Variants in RBFOX1 observed in about 807,000 individuals in gnomAD.
The protein encoded by RBFOX1 is RNA binding fox-1 homolog 1, also known as RNA binding protein fox-1 homolog 1.
In RBFOX1, 8 loss-of-function variants were observed where a neutral mutation model predicts 57.7. That is an observed-to-expected ratio of 0.14 (90% CI 0.08 to 0.25). The LOEUF is 0.25. Ranked by LOEUF, RBFOX1 falls within the 10% of genes least tolerant of loss-of-function variation. The probability of loss-of-function intolerance (pLI) is 1.00; values close to 1 mark genes in which losing one functional copy is unlikely to be tolerated. For missense variants in RBFOX1, 611 were observed against 548.5 expected, an observed-to-expected ratio of 1.11 and a Z score of -1.14; for synonymous variants, 326 against 222.4, an observed-to-expected ratio of 1.47 and a Z score of -4.15.
At chr16:5,640,557 A>G (rs956098945) in intron 3 of RBFOX1, among the ~76,000 whole-genome samples, 3 of 151,812 alleles carry the variant, frequency 2.0e-5, no homozygotes, top group Non-Finnish European at 4.4e-5. Flanking sequence ...CATGCATGCC[A>G]TGCATACATA....
chr16:5,997,048 C>G lies in RBFOX1; in HGVS notation c.351+129713C>G, dbSNP rs375867595. ...TGGTGCTCTCCATTGTCCAAACTCA[C>G]CAGGAAGCACCTCCGTCTCTGCTGG... is the stretch of plus-strand genomic sequence containing the variant. On this transcript the variant is annotated intron_variant, in intron 4 of 19. Coordinates refer to the RBFOX1 transcript ENST00000641259. 4.7e-3 allele frequency among the ~76,000 whole-genome samples: 625 copies of G among 133,092 alleles called. 11 individuals are homozygous for G. Among genetic ancestry groups the G allele is most frequent in the African/African-American group, 0.013 (451 of 33,590 alleles). The allele number at this position is 133,092 out of a possible 152,430, so 87.3% of individuals were successfully genotyped here.
chr16:7,008,432 C>G (rs1354755181), intron 3 of RBFOX1, among the ~76,000 whole-genome samples: 2 of 151,776 alleles, frequency 1.3e-5, no homozygotes, highest in Non-Finnish European at 2.9e-5. Flanking sequence ...TCCAGACACT[C>G]AGAAGTCAGA....
At chr16:5,443,140 G>C (rs2068136119) in intron 1 of RBFOX1, among the ~76,000 whole-genome samples, 2 of 152,140 alleles carry the variant, frequency 1.3e-5, no homozygotes, top group Non-Finnish European at 2.9e-5. Flanking sequence ...CTGAGAGAAA[G>C]AATAAATTTC....
chr16:7,500,712 A>G (rs774764059), intron 4 of RBFOX1, among the ~76,000 whole-genome samples: 6 of 152,188 alleles, frequency 3.9e-5, no homozygotes, highest in Non-Finnish European at 7.3e-5. Flanking sequence ...TTCTTTCAAT[A>G]TTGTATGTAA....
intron 3 of RBFOX1, among the ~76,000 whole-genome samples, chr16:5,642,614 C>T (rs1464779783): frequency 1.3e-5 from 2 of 152,078 alleles, no homozygotes; most frequent in African/African-American, 2.4e-5. Flanking sequence ...CTAGCCGCCC[C>T]CCCTTCCCCA....
chr16:7,216,135 A>G (rs1367449272), intron 4 of RBFOX1, among the ~76,000 whole-genome samples: 5 of 152,196 alleles, frequency 3.3e-5, no homozygotes, highest in Admixed American at 6.5e-5. Context: ...TTGCCAGACA[A>G]CATACTGTTG....
chr16:5,284,695 C>T (rs2063349171), intron 1 of RBFOX1, among the ~76,000 whole-genome samples: 1 of 147,360 alleles, frequency 6.8e-6, no homozygotes, highest in African/African-American at 2.5e-5. Context: ...ATGTGAGCCA[C>T]TGTGCCAGGC....
At chr16:6,373,695 A>G (rs79320876) in intron 2 of RBFOX1, among the ~76,000 whole-genome samples, 1 of 152,230 alleles carries the variant, frequency 6.6e-6, no homozygotes, top group East Asian at 1.9e-4. Flanking sequence ...TTTTCATGCA[A>G]GAGCATTTGG....
intron 3 of RBFOX1, among the ~76,000 whole-genome samples, chr16:7,035,821 G>A (rs1446720760): frequency 6.6e-6 from 1 of 152,046 alleles, no homozygotes; most frequent in African/African-American, 2.4e-5. Flanking sequence ...AGTTCATTTT[G>A]TGTGAAGCAT....
At chr16:5,373,268 G>A (rs938618614) in intron 1 of RBFOX1, among the ~76,000 whole-genome samples, 1 of 152,138 alleles carries the variant, frequency 6.6e-6, no homozygotes, top group Non-Finnish European at 1.5e-5. Context: ...AGAGAGATAG[G>A]GCCAGTGGGT....
At chr16:6,278,276 G>C (rs2076032700) in intron 1 of RBFOX1, among the ~76,000 whole-genome samples, 1 of 146,116 alleles carries the variant, frequency 6.8e-6, no homozygotes, top group Admixed American at 7.2e-5. Flanking sequence ...GCAGGCATGT[G>C]CTTTAAAATC....
At chr16:6,820,620 C>G (rs143660462) in intron 3 of RBFOX1, among the ~76,000 whole-genome samples, 1 of 151,972 alleles carries the variant, frequency 6.6e-6, no homozygotes, top group African/African-American at 2.4e-5. Context: ...GATCACACTA[C>G]TACAGTCCAG....
At chr16:6,365,535 G>T (rs1327547459) in intron 2 of RBFOX1, among the ~76,000 whole-genome samples, 1 of 152,178 alleles carries the variant, frequency 6.6e-6, no homozygotes, top group Non-Finnish European at 1.5e-5. Flanking sequence ...TTCTTAATAG[G>T]TACATCTTAT....
intron 4 of RBFOX1, among the ~76,000 whole-genome samples, chr16:7,243,024 AG>A (rs2152980019): frequency 6.6e-6 from 1 of 152,246 alleles, no homozygotes; most frequent in Non-Finnish European, 1.5e-5. Context: ...CAGGATGTCA[AG>A]CCCTGGCATT....
intron 4 of RBFOX1, among the ~76,000 whole-genome samples, chr16:7,214,512 C>A (rs1384646707): frequency 2.0e-5 from 3 of 152,018 alleles, no homozygotes; most frequent in Non-Finnish European, 4.4e-5. Context: ...CTGGTCCAAA[C>A]CTCATCCGTC....
At chr16:6,526,548 G>A (rs2096580344) in intron 2 of RBFOX1, among the ~76,000 whole-genome samples, 1 of 151,892 alleles carries the variant, frequency 6.6e-6, no homozygotes, top group South Asian at 2.1e-4. Flanking sequence ...TACCCTAAGA[G>A]GGCCAGGCAC....
At chr16:7,394,544 C>A in intron 4 of RBFOX1, among the ~76,000 whole-genome samples, 1 of 152,142 alleles carries the variant, frequency 6.6e-6, no homozygotes, top group Non-Finnish European at 1.5e-5. Flanking sequence ...TACTTCCCAT[C>A]TTCTTGCGTT....
chr16:5,262,654 T>C (rs2062764090), intron 1 of RBFOX1, among the ~76,000 whole-genome samples: 1 of 152,184 alleles, frequency 6.6e-6, no homozygotes, highest in South Asian at 2.1e-4. Flanking sequence ...CTCTCTGCTC[T>C]TTCTCTGGAG....
chr16:6,440,581 C>T lies in RBFOX1; in HGVS notation c.-64+123524C>T, dbSNP rs965985926. On this transcript the variant is annotated intron_variant, in intron 2 of 15. Coordinates refer to ENST00000550418, the MANE Select transcript of RBFOX1 (RefSeq NM_018723.4). The stretch of plus-strand genomic sequence containing the variant: ...ATCTGGGAGGCTGAGGCAGGCGGAT[C>T]ACGAGGTCAAAGAGATCAAGATCAT... 2.6e-5 allele frequency among the ~76,000 whole-genome samples: 4 copies of T among 152,142 alleles called. No homozygotes were observed. In the South Asian group the frequency reaches 8.3e-4, roughly 32 times the overall value.
Sources: gnomAD v4.1 joint callset for allele counts (sites outside exome capture counted in the v4.1 genomes callset) on GRCh38, gnomAD v4.1.1 for gene constraint, MANE v1.5 for transcripts, NCBI Gene and HGNC (gene_info 2026-07-23, HGNC 2026-07-21) for gene names.